Variants in CDC7 observed in about 807,000 individuals in gnomAD.
CDC7 encodes cell division cycle 7.
CDC7 carries 34 observed loss-of-function variants against 53.5 expected under a neutral mutation model. The observed-to-expected ratio is 0.64, with a 90% CI of 0.48 to 0.85. The LOEUF (loss-of-function observed/expected upper bound fraction) is 0.85, where lower values mean the gene tolerates loss of function less well. CDC7 is among the 40% of genes least tolerant of loss of function. The pLI is 0.00. For synonymous variants in CDC7, 211 were observed against 222.8 expected, an observed-to-expected ratio of 0.95 and a Z score of 0.47; for missense variants, 594 against 679.7, an observed-to-expected ratio of 0.87 and a Z score of 1.40.
At chr1:91,502,185 C>G (rs1666724744) in intron 2 of CDC7, among the ~76,000 whole-genome samples, 1 of 152,170 alleles carries the variant, frequency 6.6e-6, no homozygotes, top group Admixed American at 6.5e-5. Context: ...GAGATCATCA[C>G]TTAAGTATTC....
chr1:91,506,400 A>G (rs1666992616), intron 2 of CDC7, among the ~76,000 whole-genome samples: 1 of 151,940 alleles, frequency 6.6e-6, no homozygotes, highest in Non-Finnish European at 1.5e-5. Flanking sequence ...ATTTTTCCTA[A>G]AATGTTTTCT....
Position 91,524,649 on chromosome 1 carries a change from C to G in CDC7, c.*214C>G. The G allele has an allele frequency of 2.1e-6, 1 of 481,964 alleles. No individual in the cohort carries two copies. Among genetic ancestry groups the G allele is most frequent in the Non-Finnish European group, 3.6e-6 (1 of 277,266 alleles). The allele number at this position is 481,964 out of a possible 1,614,324, so 29.9% of individuals were successfully genotyped here. On this transcript the variant is annotated 3_prime_UTR_variant, in exon 12 of 12. Coordinates refer to ENST00000234626, the MANE Select transcript of CDC7 (RefSeq NM_003503.4). ...ACAACATGATCTTCTTTGAGTTAAA[C>G]CTACCTAAGTAGATTTTAGGTGGGT...
chr1:91,510,081 G>A (rs910049858), intron 4 of CDC7, among the ~76,000 whole-genome samples: 6 of 152,044 alleles, frequency 3.9e-5, no homozygotes, highest in Non-Finnish European at 8.8e-5. Flanking sequence ...CAGGCAAGGT[G>A]GCACACATCT....
chr1:91,504,839 TATG>T (rs1666899993), intron 2 of CDC7, among the ~76,000 whole-genome samples: 2 of 152,218 alleles, frequency 1.3e-5, no homozygotes, highest in South Asian at 4.1e-4. Context: ...ACGTTTCATT[TATG>T]TGATGAATAT....
rs144711694 is a variant in CDC7, at chr1:91,503,502, G to C, written c.115+1671G>C. Among the ~76,000 whole-genome samples the C allele has an allele frequency of 6.0e-4, 92 of 152,252 alleles. No individual in the cohort carries two copies. The East Asian group carries it at 0.017, about 28-fold the overall frequency. On this transcript the variant is annotated intron_variant, in intron 2 of 11. Coordinates refer to ENST00000234626, the MANE Select transcript of CDC7 (RefSeq NM_003503.4). ...ATTGAAGTTATATTTTTGATTGGAT[G>C]TTTTATATATCTTAGCATTCCCAGA...
chr1:91,520,123 G>C lies in CDC7; in HGVS notation c.1181-7G>C. On this transcript the variant is annotated splice_polypyrimidine_tract_variant and splice_region_variant and intron_variant, in intron 10 of 11. Coordinates refer to ENST00000234626, the MANE Select transcript of CDC7 (RefSeq NM_003503.4). Reference sequence around the variant, plus strand: ...AATTTATTTTTAAAATTTGTCTTCTGTTGCAGCAATTGACATGTGGTCTGC... The same window carrying C: ...AATTTATTTTTAAAATTTGTCTTCTCTTGCAGCAATTGACATGTGGTCTGC... 1 of 1,546,710 alleles carries C rather than the reference G, an allele frequency of 6.5e-7. No individual in the cohort carries two copies. Among genetic ancestry groups the C allele is most frequent in the Non-Finnish European group, 8.7e-7 (1 of 1,150,232 alleles).
intron 2 of CDC7, among the ~76,000 whole-genome samples, chr1:91,505,612 C>T (rs768933596): frequency 4.6e-5 from 7 of 152,176 alleles, no homozygotes; most frequent in Admixed American, 6.5e-5. Flanking sequence ...TATAGATTTT[C>T]GGGATCCTCC....
At chr1:91,522,480 C>A (rs1391462141) in intron 11 of CDC7, among the ~76,000 whole-genome samples, 1 of 152,138 alleles carries the variant, frequency 6.6e-6, no homozygotes, top group Non-Finnish European at 1.5e-5. Flanking sequence ...AAATTCCTGA[C>A]ACATAGTAGT....
At chr1:91,511,527 T>C in intron 4 of CDC7, 70 bp from the exon 5 acceptor site, 1 of 1,004,836 alleles carries the variant, frequency 1.0e-6, no homozygotes, top group Non-Finnish European at 1.5e-6. Flanking sequence ...TTGCGGTTTT[T>C]AAAATTAGGC....
chr1:91,505,521 A>T (rs981895274), intron 2 of CDC7, among the ~76,000 whole-genome samples: 2 of 152,220 alleles, frequency 1.3e-5, no homozygotes, highest in Non-Finnish European at 2.9e-5. Flanking sequence ...GCAGCAGAAA[A>T]CAAAAGTGAC....
In CDC7 at chr1:91,524,658, G is replaced by A. The variant is rs1668169048; in HGVS notation, c.*223G>A. The A allele has an allele frequency of 2.2e-6, 1 of 449,176 alleles. No homozygotes were observed. The highest frequency in any genetic ancestry group is 2.0e-5 in the African/African-American group (1 of 49,796). The allele number at this position is 449,176 out of a possible 1,614,324, so 27.8% of individuals were successfully genotyped here. On this transcript the variant is annotated 3_prime_UTR_variant, in exon 12 of 12. Coordinates refer to ENST00000234626, the MANE Select transcript of CDC7 (RefSeq NM_003503.4). The stretch of plus-strand genomic sequence containing the variant: ...TCTTCTTTGAGTTAAACCTACCTAA[G>A]TAGATTTTAGGTGGGTTCCTATTAG...
At chr1:91,520,057 G>A (rs1411231996) in intron 10 of CDC7, 73 bp from the exon 11 acceptor site, 36 of 1,222,768 alleles carry the variant, frequency 2.9e-5, no homozygotes, top group African/African-American at 1.6e-4. Flanking sequence ...CATAATAAAT[G>A]TTGAGGACTA....
At chr1:91,517,295 G>A (rs1667611922) in intron 10 of CDC7, among the ~76,000 whole-genome samples, 1 of 152,144 alleles carries the variant, frequency 6.6e-6, no homozygotes, top group Admixed American at 6.6e-5. Flanking sequence ...AATTTGTCCG[G>A]GTGAGAGGAT....
At position 91,511,689 on chromosome 1, in the gene CDC7, T is replaced by G. The variant is rs1184884515; in HGVS notation, c.428T>G (p.Leu143Trp). The G allele has an allele frequency of 6.2e-7, 1 of 1,605,928 alleles. No homozygotes were observed. Residue 143 changes from leucine (L) to tryptophan (W), a missense_variant and splice_region_variant, in exon 5 of 12, where the codon TTG becomes TGG. Leu to Trp is a moderately conservative substitution (Grantham distance 61). Coordinates refer to ENST00000234626, the MANE Select transcript of CDC7 (RefSeq NM_003503.4). ...AMPYLEHESF[L>W]DILNSLSFQE... ...CCATATCTGGAGCATGAGTCGTTTTTGGTAGGTTTTAATATTTCTTGAATT... is the reference window on the plus strand; with the variant it reads ...CCATATCTGGAGCATGAGTCGTTTTGGGTAGGTTTTAATATTTCTTGAATT...
chr1:91,513,307 G>C lies in CDC7; in HGVS notation c.822G>C (p.Lys274Asn), dbSNP rs746668868. ...QIQIKQGKDG[K>N]EGSVGLSVQR... ...AGATTAAACAAGGAAAAGACGGAAA[G>C]GTTCTATCTCTTTTATTTCTTAAGT... is the stretch of plus-strand genomic sequence containing the variant. The change falls in exon 7 of 12, where the codon AAG becomes AAC. Residue 274 changes from lysine (K) to asparagine (N), a missense_variant and splice_region_variant. Coordinates refer to ENST00000234626, the MANE Select transcript of CDC7 (RefSeq NM_003503.4). 2.5e-6 allele frequency: 4 copies of C among 1,610,962 alleles called. No individual in the cohort carries two copies. The highest frequency in any genetic ancestry group is 1.7e-5 in the Admixed American group (1 of 59,568).
rs1667380541 is a variant in CDC7 at position 91,513,301 on chromosome 1, CG to C, written c.818del (p.Gly273GlufsTer6). The C allele has an allele frequency of 1.2e-6, 2 of 1,612,002 alleles. No homozygotes were observed. Among genetic ancestry groups the C allele is most frequent in the African/African-American group, 2.7e-5 (2 of 74,736 alleles). Reference protein sequence around the residue: ...AQIQIKQGKDGKEGSVGLSVQ... With the variant: ...AQIQIKQGKDXKEGSVGLSVQ... Reference sequence around the variant, plus strand: ...AAATTCAGATTAAACAAGGAAAAGACGGAAAGGTTCTATCTCTTTTATTTCT... The same window carrying C: ...AAATTCAGATTAAACAAGGAAAAGACGAAAGGTTCTATCTCTTTTATTTCT... On this transcript the variant is annotated frameshift_variant, in exon 7 of 12. Coordinates refer to ENST00000234626, the MANE Select transcript of CDC7 (RefSeq NM_003503.4). LOFTEE classifies it high-confidence loss of function.
chr1:91,511,844 T>C lies in CDC7; in HGVS notation c.493T>C (p.Leu165=). 1.2e-6 allele frequency: 2 copies of C among 1,606,566 alleles called. No homozygotes were observed. The highest frequency in any genetic ancestry group is 1.7e-6 in the Non-Finnish European group (2 of 1,174,274). ...ATATATGCTTAATCTGTTCAAAGCT[T>C]TGAAACGCATTCATCAGTTTGGTAT... ...REYMLNLFKA[L]KRIHQFGIVH... is the part of the protein sequence containing the mutation. The change falls in exon 6 of 12, where the codon TTG becomes CTG. Residue 165 remains leucine (L), a synonymous_variant. Coordinates refer to ENST00000234626, the MANE Select transcript of CDC7 (RefSeq NM_003503.4).
chr1:91,514,846 G>A lies in CDC7; in HGVS notation c.946G>A (p.Val316Ile), dbSNP rs774403248. 4.3e-6 allele frequency: 7 copies of A among 1,611,692 alleles called. No individual in the cohort carries two copies. In the Admixed American group the frequency reaches 5.0e-5, roughly 12 times the overall value. ...CATGAAGCAGTCAAAGACTGTGGAT[G>A]TACTGTCTAGAAAGTTAGCAACAAA... ...KLMKQSKTVDVLSRKLATKKK... is the reference protein window; with the variant it reads ...KLMKQSKTVDILSRKLATKKK... The change falls in exon 9 of 12, where the codon GTA (valine) becomes ATA (isoleucine). Residue 316 changes from valine to isoleucine, a missense_variant. By Grantham distance (29) the Val-to-Ile change is conservative. Transcript: ENST00000234626.
chr1:91,501,168 G>C (rs1666644072), intron 1 of CDC7: 1 of 152,426 alleles, frequency 6.6e-6, no homozygotes, highest in South Asian at 2.1e-4. Flanking sequence ...CGCGGCCAGC[G>C]CTGGCCGGCG....
Sources: gnomAD v4.1 joint callset for allele counts (sites outside exome capture counted in the v4.1 genomes callset) on GRCh38, gnomAD v4.1.1 for gene constraint, MANE v1.5 for transcripts, NCBI Gene and HGNC (gene_info 2026-07-23, HGNC 2026-07-21) for gene names.